CPSF4: variants seen among roughly 807,000 people sequenced by gnomAD.
CPSF4 encodes the protein cleavage and polyadenylation specificity factor subunit 4.
Under a neutral mutation model 37.7 loss-of-function variants are expected in CPSF4, and 11 were observed. The observed-to-expected ratio is 0.29, with a 90% CI of 0.18 to 0.48. The LOEUF (loss-of-function observed/expected upper bound fraction) is 0.48, where lower values mean the gene tolerates loss of function less well. Among genes scored for constraint, CPSF4 ranks in the 20% least tolerant of loss-of-function variants. The pLI is 0.99. For synonymous variants in CPSF4, 132 were observed against 135.9 expected (o/e 0.97, Z 0.20); for missense variants, 144 against 359.5 (o/e 0.40, Z 4.85).
chr7:99,451,372 A>G (rs778836154), intron 5 of CPSF4, among the ~76,000 whole-genome samples: 3 of 152,204 alleles, frequency 2.0e-5, no homozygotes, highest in Non-Finnish European at 4.4e-5. Context: ...TTTGGGAGGC[A>G]GAGGAAGGCG....
chr7:99,451,060 A>G, intron 5 of CPSF4: 2 of 408,566 alleles, frequency 4.9e-6, no homozygotes, highest in Non-Finnish European at 8.9e-6. Context: ...GGATACAGAC[A>G]AACATGTAGC....
intron 3 of CPSF4, among the ~76,000 whole-genome samples, chr7:99,449,501 T>C (rs939514360): frequency 1.3e-5 from 2 of 152,216 alleles, no homozygotes; most frequent in African/African-American, 4.8e-5. Flanking sequence ...TGAGGGTCGC[T>C]CCTTCCTTGC....
intron 7 of CPSF4, among the ~76,000 whole-genome samples, chr7:99,455,448 C>T (rs1798244353): frequency 1.3e-5 from 2 of 152,210 alleles, no homozygotes; most frequent in Non-Finnish European, 2.9e-5. Flanking sequence ...CGCCTGTAAT[C>T]CCAGCACTTT....
At chr7:99,452,477 C>A in intron 6 of CPSF4, 37 bp downstream of exon 6, 3 of 1,576,090 alleles carry the variant, frequency 1.9e-6, no homozygotes, top group Non-Finnish European at 8.7e-7. Flanking sequence ...GAAGGAAGTG[C>A]CTTTTCTACA....
chr7:99,448,218 C>T lies in CPSF4; in HGVS notation c.252C>T (p.Phe84=). ...GCAAGAAAGGGGACCAGTGTGAGTT[C>T]CTGCATGAGTATGACATGACCAAGA... The part of the protein sequence containing the change: ...GLCKKGDQCE[F]LHEYDMTKMP... Residue 84 remains phenylalanine (F), a synonymous_variant, in exon 3 of 8, where the codon TTC becomes TTT. Coordinates refer to ENST00000292476, the MANE Select transcript of CPSF4 (RefSeq NM_006693.4). The surrounding 1 kb of genome is among the most constrained non-coding windows in gnomAD (Gnocchi z 4.4). 1 of 1,614,140 alleles carries T rather than the reference C, an allele frequency of 6.2e-7. No individual in the cohort carries two copies. Among genetic ancestry groups the T allele is most frequent in the Non-Finnish European group, 8.5e-7 (1 of 1,180,018 alleles).
At chr7:99,440,674 A>ATATATATATATATATATGTTTTTTTTT in intron 1 of CPSF4, among the ~76,000 whole-genome samples, 4 of 88,088 alleles carry the variant, frequency 4.5e-5, no homozygotes, top group African/African-American at 3.9e-4. Flanking sequence ...ATATATATAT[A>ATATATATATATATATATGTTTTTTTTT]TTTTTTTTTT....
chr7:99,442,656 A>AAAC (rs1797101834), intron 1 of CPSF4, among the ~76,000 whole-genome samples: 2 of 78,916 alleles, frequency 2.5e-5, no homozygotes, highest in South Asian at 4.4e-4. Flanking sequence ...ACTCCGTCTC[A>AAAC]AAAAAAAAAA....
intron 5 of CPSF4, 25 bp downstream of exon 5, chr7:99,450,820 C>T (rs199773463): frequency 6.4e-7 from 1 of 1,556,872 alleles, no homozygotes; most frequent in Non-Finnish European, 8.8e-7. Context: ...GCTCCGCCCT[C>T]TACCCCAGCT....
At chr7:99,451,653 G>A (rs1481673872) in intron 5 of CPSF4, among the ~76,000 whole-genome samples, 1 of 152,210 alleles carries the variant, frequency 6.6e-6, no homozygotes. Flanking sequence ...TCCGAAGACG[G>A]GTTTTAATTC....
chr7:99,454,002 T>C lies in CPSF4; in HGVS notation c.607T>C (p.Leu203=), dbSNP rs753357614. ...TCCGCCATTACAAAGGTCGTCCTCCTTGATCCAGTTAACGAGTCAGAACTC... is the reference window on the plus strand; with the variant it reads ...TCCGCCATTACAAAGGTCGTCCTCCCTGATCCAGTTAACGAGTCAGAACTC... The part of the protein sequence containing the change: ...NNPPLQRSSS[L]IQLTSQNSSP... Residue 203 remains leucine, a synonymous_variant, in exon 7 of 8, where the codon TTG becomes CTG. Coordinates refer to ENST00000292476, the MANE Select transcript of CPSF4 (RefSeq NM_006693.4). 10 of 1,614,240 alleles carry C rather than the reference T, an allele frequency of 6.2e-6. No individual in the cohort carries two copies. Among genetic ancestry groups the C allele is most frequent in the Non-Finnish European group, 7.6e-6 (9 of 1,180,032 alleles).
In CPSF4 at chr7:99,453,841, C is replaced by A; in HGVS notation, c.571-125C>A. 2.4e-6 allele frequency: 2 copies of A among 828,432 alleles called. No homozygotes were observed. Among genetic ancestry groups the A allele is most frequent in the Non-Finnish European group, 3.9e-6 (2 of 509,630 alleles). The allele number at this position is 828,432 out of a possible 1,614,324, so 51.3% of individuals were successfully genotyped here. ...CTGCTGCCCACTGTCCTGAGGTGGGCCGTCGTGGAAGCCCTGCTTCCTGCC... is the reference window on the plus strand; with the variant it reads ...CTGCTGCCCACTGTCCTGAGGTGGGACGTCGTGGAAGCCCTGCTTCCTGCC... On this transcript the variant is annotated intron_variant, in intron 6 of 7. Coordinates refer to ENST00000292476, the MANE Select transcript of CPSF4 (RefSeq NM_006693.4). This position sits in a 1 kb window ranked among gnomAD's most constrained non-coding sequence, Gnocchi z 4.7.
In CPSF4 at chr7:99,456,807, C is replaced by T; in HGVS notation, c.*307C>T. The T allele has an allele frequency of 2.1e-6, 1 of 473,992 alleles. No individual in the cohort carries two copies. The highest frequency in any genetic ancestry group is 2.0e-5 in the South Asian group (1 of 50,830). The allele number at this position is 473,992 out of a possible 1,614,324, so 29.4% of individuals were successfully genotyped here. The stretch of plus-strand genomic sequence containing the variant: ...GAGGGAGGCAGCTGCTGGGGAGGGG[C>T]TTGGCTAGGTAGTTCTGTGTGGCGG... On this transcript the variant is annotated 3_prime_UTR_variant, in exon 8 of 8. Coordinates refer to ENST00000292476, the MANE Select transcript of CPSF4 (RefSeq NM_006693.4).
intron 5 of CPSF4, among the ~76,000 whole-genome samples, chr7:99,451,906 C>T (rs1797956938): frequency 6.6e-6 from 1 of 152,234 alleles, no homozygotes; most frequent in Admixed American, 6.5e-5. Flanking sequence ...CCGGTGCTGT[C>T]ACTGGGTCTC....
At chr7:99,441,850 T>C (rs998894060) in intron 1 of CPSF4, among the ~76,000 whole-genome samples, 1 of 151,982 alleles carries the variant, frequency 6.6e-6, no homozygotes, top group African/African-American at 2.4e-5. Flanking sequence ...TGCCACCATG[T>C]CTGACTAATT....
chr7:99,439,218 C>A (rs1249957992), intron 1 of CPSF4, 33 bp downstream of exon 1: 3 of 1,498,966 alleles, frequency 2.0e-6, no homozygotes, highest in East Asian at 2.4e-5. Context: ...AGGGCAAGAG[C>A]GACTCGAACC....
At chr7:99,440,284 C>G (rs1172541968) in intron 1 of CPSF4, among the ~76,000 whole-genome samples, 2 of 152,192 alleles carry the variant, frequency 1.3e-5, no homozygotes, top group Non-Finnish European at 2.9e-5. Flanking sequence ...CCTCACTCCC[C>G]TCAGGCGGTC....
intron 2 of CPSF4, chr7:99,447,699 C>G: frequency 2.6e-6 from 1 of 381,116 alleles, no homozygotes; most frequent in South Asian, 1.9e-5. Flanking sequence ...ACGCTGTTGT[C>G]CTGCCTCAGC....
chr7:99,457,329 T>C lies in CPSF4; in HGVS notation c.*829T>C, dbSNP rs538620153. On this transcript the variant is annotated 3_prime_UTR_variant, in exon 8 of 8. Transcript: ENST00000292476. ...GGCATGTGGGCCTGGCTGTGTTCAA[T>C]TGCAAGAACAATTTTTATGAAATGG... 4 of 152,914 alleles carry C rather than the reference T, an allele frequency of 2.6e-5. No homozygotes were observed. Among genetic ancestry groups the C allele is most frequent in the East Asian group, 1.9e-4 (1 of 5,194 alleles). The allele number at this position is 152,914 out of a possible 1,614,324, so 9.5% of individuals were successfully genotyped here. A position where few individuals can be genotyped will look rare whatever the true frequency, so the allele number is the denominator to read the frequency against.
At chr7:99,440,381 CCT>C (rs555695927) in intron 1 of CPSF4, among the ~76,000 whole-genome samples, 170 of 152,002 alleles carry the variant, frequency 1.1e-3, no homozygotes, top group African/African-American at 3.9e-3. Flanking sequence ...GACAGGGGCC[CCT>C]CTGTCGCCCA....
Sources: allele counts gnomAD v4.1 joint callset (sites outside exome capture counted in the v4.1 genomes callset), GRCh38; gene constraint gnomAD v4.1.1; non-coding constraint Gnocchi (gnomAD v3.1); transcripts MANE v1.5; gene names NCBI Gene and HGNC (gene_info 2026-07-23, HGNC 2026-07-21).